CFAP299: variants seen among roughly 807,000 people sequenced by gnomAD.
CFAP299 encodes cilia- and flagella-associated protein 299.
Under a neutral mutation model 27.0 loss-of-function variants are expected in CFAP299, and 21 were observed. The ratio of observed to expected loss-of-function variants is 0.78; its 90% CI spans 0.55 to 1.12. The LOEUF is 1.12. Ranked by LOEUF, CFAP299 falls within the 50% of genes most tolerant of loss-of-function variation. The pLI, the probability that CFAP299 is intolerant of heterozygous loss-of-function variation, is 0.00. For synonymous variants in CFAP299, 104 were observed against 98.1 expected, an observed-to-expected ratio of 1.06 and a Z score of -0.36; for missense variants, 310 against 276.6, an observed-to-expected ratio of 1.12 and a Z score of -0.86.
chr4:80,540,138 CCTT>C, intron 2 of CFAP299, among the ~76,000 whole-genome samples: 1 of 152,256 alleles, frequency 6.6e-6, no homozygotes, highest in East Asian at 1.9e-4. Context: ...AGCTTTCTGG[CCTT>C]CTTGGAAGTT....
intron 3 of CFAP299, among the ~76,000 whole-genome samples, chr4:80,815,433 A>C (rs562470902): frequency 6.6e-6 from 1 of 152,148 alleles, no homozygotes; most frequent in Non-Finnish European, 1.5e-5. Flanking sequence ...ATTTACTGTA[A>C]TAAAAAATTG....
chr4:80,349,036 G>A lies in CFAP299; in HGVS notation c.111+13157G>A, dbSNP rs140401132. Among the ~76,000 whole-genome samples, 978 of 152,286 alleles carry A rather than the reference G, an allele frequency of 6.4e-3. 16 individuals are homozygous for A. The highest frequency in any genetic ancestry group is 0.023 in the African/African-American group (937 of 41,548). ...GGAGCCTGAAGTCACACTGAGACCT[G>A]CAAGGATAACCTAGAATCCATGAGG... is the stretch of plus-strand genomic sequence containing the variant. On this transcript the variant is annotated intron_variant, in intron 1 of 5. Transcript: ENST00000358105.
chr4:80,739,189 A>G lies in CFAP299; in HGVS notation c.334-130804A>G, dbSNP rs534476533. ...TAATCTTTTTACTTAAGTCAAGAAT[A>G]GTTTACACACCACAGTTACAGTGTT... On this transcript the variant is annotated intron_variant, in intron 3 of 5. Transcript: ENST00000358105. 8.5e-5 allele frequency among the ~76,000 whole-genome samples: 13 copies of G among 152,290 alleles called. No individual in the cohort carries two copies. The East Asian group carries it at 2.1e-3, about 25-fold the overall frequency.
At chr4:80,568,822 T>G (rs539270189) in intron 2 of CFAP299, among the ~76,000 whole-genome samples, 10 of 152,202 alleles carry the variant, frequency 6.6e-5, no homozygotes, top group Admixed American at 2.0e-4. Flanking sequence ...TTGAGGGCTA[T>G]CAAGGGCACA....
rs1460358830 is a variant in CFAP299, at chr4:80,870,031, A to G, written c.372A>G (p.Gln124=). Residue 124 remains glutamine (Q), a synonymous_variant, in exon 4 of 6, where the codon CAA becomes CAG. Transcript: ENST00000358105. ...TTCGTGACAGAAATTCTCATGGGCA[A>G]GAGATATCAGGATACATCGACTATG... The part of the protein sequence containing the change: ...IFIRDRNSHG[Q]EISGYIDYAH... 3.1e-6 allele frequency: 5 copies of G among 1,613,272 alleles called. No individual in the cohort carries two copies. In the African/African-American group the frequency reaches 4.0e-5, roughly 13 times the overall value.
chr4:80,516,753 A>G (rs1732610555), intron 2 of CFAP299, among the ~76,000 whole-genome samples: 3 of 152,288 alleles, frequency 2.0e-5, no homozygotes, highest in Middle Eastern at 3.4e-3. Flanking sequence ...AAATTTCGTT[A>G]TATCTGACCC....
chr4:80,944,545 G>A (rs910832022), intron 4 of CFAP299, among the ~76,000 whole-genome samples: 5 of 152,174 alleles, frequency 3.3e-5, no homozygotes, highest in African/African-American at 1.2e-4. Flanking sequence ...TCCTGGGAAT[G>A]TAATAGTACT....
intron 3 of CFAP299, among the ~76,000 whole-genome samples, chr4:80,855,563 C>CA (rs1287699206): frequency 6.6e-6 from 1 of 152,140 alleles, no homozygotes; most frequent in African/African-American, 2.4e-5. Context: ...CCTCTCCCCC[C>CA]AACCCACAAC....
At chr4:80,744,780 AG>A (rs1211682487) in intron 3 of CFAP299, among the ~76,000 whole-genome samples, 2 of 152,334 alleles carry the variant, frequency 1.3e-5, no homozygotes, top group East Asian at 3.9e-4. Context: ...ATGACTTAAA[AG>A]AACCCAAATT....
chr4:80,787,637 C>A (rs947413199), intron 3 of CFAP299, among the ~76,000 whole-genome samples: 1 of 151,986 alleles, frequency 6.6e-6, no homozygotes, highest in Non-Finnish European at 1.5e-5. Flanking sequence ...AACATCAATT[C>A]CAAGCCCTTT....
chr4:80,889,023 A>G (rs1433154647), intron 4 of CFAP299, among the ~76,000 whole-genome samples: 16 of 150,348 alleles, frequency 1.1e-4, no homozygotes, highest in African/African-American at 3.6e-4. Context: ...AAAAAAAAAA[A>G]AAAAAAAAAA....
upstream of CFAP299, among the ~76,000 whole-genome samples, chr4:80,332,234 G>A (rs10033567): frequency 0.19 from 28,388 of 152,168 alleles, 4,004 homozygotes; most frequent in African/African-American, 0.39. Context: ...GGCAGAAAGT[G>A]GAAGGTAAGG....
intron 2 of CFAP299, among the ~76,000 whole-genome samples, chr4:80,435,392 C>T (rs1041583042): frequency 1.3e-5 from 2 of 152,154 alleles, no homozygotes; most frequent in Admixed American, 1.3e-4. Flanking sequence ...AGATCTTTGG[C>T]TATAGTTACT....
At chr4:80,800,842 T>G (rs912406740) in intron 3 of CFAP299, among the ~76,000 whole-genome samples, 2 of 146,192 alleles carry the variant, frequency 1.4e-5, no homozygotes, top group African/African-American at 2.6e-5. Context: ...GGTCCCACAA[T>G]AGGCCATCTG....
intron 5 of CFAP299, among the ~76,000 whole-genome samples, chr4:80,953,198 G>T (rs1030722486): frequency 3.3e-5 from 5 of 152,180 alleles, no homozygotes; most frequent in Non-Finnish European, 7.3e-5. Context: ...GGCCAGTGGG[G>T]CAGGGGATAT....
At chr4:80,608,970 C>A (rs537612421) in intron 3 of CFAP299, among the ~76,000 whole-genome samples, 6 of 151,750 alleles carry the variant, frequency 4.0e-5, no homozygotes, top group African/African-American at 1.4e-4. Flanking sequence ...TGATAAAATA[C>A]AATTCTAAAA....
chr4:80,398,348 A>G (rs1291838732), intron 2 of CFAP299, among the ~76,000 whole-genome samples: 2 of 152,176 alleles, frequency 1.3e-5, no homozygotes, highest in East Asian at 1.9e-4. Flanking sequence ...TTTAAAGTTC[A>G]TATGGAACCA....
chr4:80,926,421 A>T (rs1305366777), intron 4 of CFAP299, among the ~76,000 whole-genome samples: 1 of 152,018 alleles, frequency 6.6e-6, no homozygotes, highest in Non-Finnish European at 1.5e-5. Context: ...CAAAGGTGAC[A>T]GGGGTGGGAG....
At chr4:80,604,687 C>T (rs906029437) in intron 3 of CFAP299, among the ~76,000 whole-genome samples, 1 of 152,042 alleles carries the variant, frequency 6.6e-6, no homozygotes, top group African/African-American at 2.4e-5. Context: ...TTTATTACTT[C>T]GAGGACACAA....
Sources: allele counts gnomAD v4.1 joint callset (sites outside exome capture counted in the v4.1 genomes callset), GRCh38; gene constraint gnomAD v4.1.1; transcripts MANE v1.5; gene names NCBI Gene and HGNC (gene_info 2026-07-23, HGNC 2026-07-21).